The following PARD3B variants were observed in gnomAD, a reference collection of about 807,000 sequenced individuals.
PARD3B encodes the protein par-3 family cell polarity regulator beta.
In PARD3B, 103 loss-of-function variants were observed where a neutral mutation model predicts 130.2. The observed-to-expected ratio is 0.79, with a 90% confidence interval of 0.67 to 0.93. The LOEUF (loss-of-function observed/expected upper bound fraction) is 0.93. PARD3B is among the 40% of genes least tolerant of loss of function. The pLI, the probability that PARD3B is intolerant of heterozygous loss-of-function variation, is 0.00. For missense variants in PARD3B, 1,609 were observed against 1,499.2 expected (o/e 1.07, Z -1.21); for synonymous variants, 583 against 553.2 (o/e 1.05, Z -0.76).
At chr2:204,659,766 C>T (rs926080997) in intron 1 of PARD3B, among the ~76,000 whole-genome samples, 2 of 152,178 alleles carry the variant, frequency 1.3e-5, no homozygotes, top group African/African-American at 4.8e-5. Flanking sequence ...TTATCATCAT[C>T]TTAAGTACTT....
intron 22 of PARD3B, among the ~76,000 whole-genome samples, chr2:205,557,486 A>G (rs2052942028): frequency 6.6e-6 from 1 of 152,128 alleles, no homozygotes; most frequent in Non-Finnish European, 1.5e-5. Context: ...ATCTTAGCTC[A>G]CACACGCTTC....
intron 2 of PARD3B, among the ~76,000 whole-genome samples, chr2:204,957,181 GA>G (rs1690328026): frequency 6.6e-6 from 1 of 152,002 alleles, no homozygotes; most frequent in Non-Finnish European, 1.5e-5. Context: ...TCAAGTCAGA[GA>G]AAAAAATGTG....
intron 19 of PARD3B, among the ~76,000 whole-genome samples, chr2:205,412,271 A>AT (rs1451609661): frequency 6.6e-6 from 1 of 152,098 alleles, no homozygotes; most frequent in Non-Finnish European, 1.5e-5. Flanking sequence ...TTAGCATCTC[A>AT]TATTGAGAGT....
intron 2 of PARD3B, among the ~76,000 whole-genome samples, chr2:204,841,240 T>C (rs2044250027): frequency 6.6e-6 from 1 of 152,036 alleles, no homozygotes; most frequent in African/African-American, 2.4e-5. Flanking sequence ...TACTAGTGCA[T>C]GGAAGCTCCA....
intron 21 of PARD3B, among the ~76,000 whole-genome samples, chr2:205,532,787 A>G (rs1379500040): frequency 6.6e-6 from 1 of 152,202 alleles, no homozygotes; most frequent in African/African-American, 2.4e-5. Flanking sequence ...ATCAGACCAC[A>G]TCTTTAAAAA....
chr2:205,565,180 G>A (rs1465823335), intron 22 of PARD3B, among the ~76,000 whole-genome samples: 7 of 152,132 alleles, frequency 4.6e-5, no homozygotes, highest in African/African-American at 1.7e-4. Context: ...AAATGATAGT[G>A]TCTGACAGCC....
chr2:205,316,071 T>C (rs966082454), intron 18 of PARD3B, among the ~76,000 whole-genome samples: 22 of 152,120 alleles, frequency 1.4e-4, no homozygotes, highest in African/African-American at 4.8e-4. Context: ...GACTGACTGG[T>C]TTATATGGTG....
intron 15 of PARD3B, among the ~76,000 whole-genome samples, chr2:205,235,744 T>C (rs2039033715): frequency 6.6e-6 from 1 of 152,204 alleles, no homozygotes; most frequent in Non-Finnish European, 1.5e-5. Flanking sequence ...GTTTATTTCT[T>C]GAATTTTCCA....
intron 20 of PARD3B, among the ~76,000 whole-genome samples, chr2:205,483,324 TG>T (rs942757745): frequency 7.9e-5 from 12 of 152,320 alleles, no homozygotes; most frequent in African/African-American, 2.6e-4. Context: ...AATTAGCTAA[TG>T]GATTTTGAGA....
chr2:204,902,550 TC>T (rs915361029), intron 2 of PARD3B, among the ~76,000 whole-genome samples: 1 of 151,058 alleles, frequency 6.6e-6, no homozygotes, highest in Non-Finnish European at 1.5e-5. Flanking sequence ...GCGCCTGCAG[TC>T]CCAGCTGCTC....
chr2:205,616,230 GC>G lies in PARD3B; in HGVS notation c.*418del. 3 of 170,496 alleles carry G rather than the reference GC, an allele frequency of 1.8e-5. No homozygotes were observed. Among genetic ancestry groups the G allele is most frequent in the South Asian group, 1.8e-4 (1 of 5,580 alleles). The allele number at this position is 170,496 out of a possible 1,614,324, so 10.6% of individuals were successfully genotyped here. On this transcript the variant is annotated 3_prime_UTR_variant, in exon 23 of 23. Transcript: ENST00000406610. ...GTCCAGAGGCAGTCTCTGCCAGGCA[GC>G]ATTACCCGCTCCGAGGTGGAGCCTC...
At chr2:204,649,906 T>G (rs2035419993) in intron 1 of PARD3B, among the ~76,000 whole-genome samples, 1 of 152,146 alleles carries the variant, frequency 6.6e-6, no homozygotes, top group Admixed American at 6.5e-5. Context: ...AAGCAAAAAT[T>G]GACAAGTGAG....
chr2:204,724,541 C>T (rs991599862), intron 2 of PARD3B, among the ~76,000 whole-genome samples: 1 of 152,098 alleles, frequency 6.6e-6, no homozygotes, highest in Non-Finnish European at 1.5e-5. Context: ...TGGGTGACCT[C>T]GGTCATCAGT....
intron 3 of PARD3B, among the ~76,000 whole-genome samples, chr2:205,023,957 A>C (rs1309838694): frequency 6.6e-6 from 1 of 152,002 alleles, no homozygotes; most frequent in Non-Finnish European, 1.5e-5. Context: ...ACCATATACT[A>C]GGTGTGTGGT....
chr2:205,330,686 T>A (rs1382145970), intron 18 of PARD3B, among the ~76,000 whole-genome samples: 2 of 152,198 alleles, frequency 1.3e-5, no homozygotes, highest in Non-Finnish European at 2.9e-5. Flanking sequence ...TCAATCAAGA[T>A]TTTTGTTTTA....
chr2:205,447,961 T>C lies in PARD3B; in HGVS notation c.3044+7289T>C, dbSNP rs552606871. ...CATCTAAGCCTCATTAACAGCCTTT[T>C]AGGTATTTAAAGTGACTGCTATGAC... On this transcript the variant is annotated intron_variant, in intron 20 of 22. Transcript: ENST00000406610. 2.0e-5 allele frequency among the ~76,000 whole-genome samples: 3 copies of C among 152,304 alleles called. No homozygotes were observed. In the East Asian group the frequency reaches 5.8e-4, roughly 29 times the overall value.
At chr2:205,334,123 A>G (rs2043228619) in intron 18 of PARD3B, among the ~76,000 whole-genome samples, 1 of 152,196 alleles carries the variant, frequency 6.6e-6, no homozygotes, top group Non-Finnish European at 1.5e-5. Flanking sequence ...GTTTCAACTC[A>G]GCACATTCTT....
At chr2:205,210,719 A>ATT (rs35950127) in intron 15 of PARD3B, among the ~76,000 whole-genome samples, 2 of 149,562 alleles carry the variant, frequency 1.3e-5, no homozygotes, top group African/African-American at 4.9e-5. Context: ...GGGTGTCATC[A>ATT]TTTTTTTTTC....
At chr2:205,289,014 G>GC (rs1425517967) in intron 16 of PARD3B, among the ~76,000 whole-genome samples, 5 of 152,146 alleles carry the variant, frequency 3.3e-5, no homozygotes, top group African/African-American at 1.2e-4. Context: ...GGTGTCATGG[G>GC]TTAGTCTGAT....
Sources: allele counts gnomAD v4.1 joint callset (sites outside exome capture counted in the v4.1 genomes callset), GRCh38; gene constraint gnomAD v4.1.1; transcripts MANE v1.5; gene names NCBI Gene and HGNC (gene_info 2026-07-23, HGNC 2026-07-21).